Variants in MADD observed in about 807,000 individuals in gnomAD.
MADD encodes MAP kinase activating death domain.
MADD carries 109 observed loss-of-function variants against 176.7 expected under a neutral mutation model. The ratio of observed to expected loss-of-function variants is 0.62; its 90% CI spans 0.53 to 0.72. The LOEUF (loss-of-function observed/expected upper bound fraction) is 0.72. Ranked by LOEUF, MADD falls within the 30% of genes least tolerant of loss-of-function variation. The pLI is 0.00. For synonymous variants in MADD, 771 were observed against 771.3 expected (o/e 1.00, Z 0.01); for missense variants, 1,914 against 2,045.5 (o/e 0.94, Z 1.24).
intron 31 of MADD, chr11:47,328,123 G>C (rs1478275110): frequency 9.9e-7 from 1 of 1,008,310 alleles, no homozygotes; most frequent in Admixed American, 5.1e-5. Flanking sequence ...CATCCTGTGG[G>C]TTTATATCAT....
At chr11:47,298,856 A>G (rs1254173674) in intron 22 of MADD, among the ~76,000 whole-genome samples, 1 of 152,142 alleles carries the variant, frequency 6.6e-6, no homozygotes, top group Non-Finnish European at 1.5e-5. Flanking sequence ...ATTTTTGTAT[A>G]TGGTGAGAGC....
Position 47,279,092 on chromosome 11 carries a change from C to T in MADD, c.1290+13C>T, listed in dbSNP as rs377631775. ...GCATTTAAAGCAGGTAGGTGAAGAA[C>T]GAAGGAAAGAAAGGGGAGTATTAGA... On this transcript the variant is annotated intron_variant, in intron 7 of 32. Coordinates refer to ENST00000402192, the Ensembl canonical transcript of MADD. 51 of 1,612,482 alleles carry T rather than the reference C, an allele frequency of 3.2e-5. No homozygotes were observed. In the African/African-American group the frequency reaches 4.9e-4, roughly 16 times the overall value.
chr11:47,270,481 G>A (rs1273014780), intron 1 of MADD, among the ~76,000 whole-genome samples: 6 of 147,130 alleles, frequency 4.1e-5, no homozygotes, highest in Non-Finnish European at 9.0e-5. Flanking sequence ...CCGAGCGGGC[G>A]GCTCGGGTTC....
rs1289627025 is a variant in MADD at position 47,276,976 on chromosome 11, A to G, written c.1095+113A>G. On this transcript the variant is annotated intron_variant, in intron 5 of 32. Transcript: ENST00000402192. ...GGTCCTCAATCCTTTGTCATAACTT[A>G]TTTGTCTACAAAATCTGACTGATTT... 3.9e-6 allele frequency: 5 copies of G among 1,284,326 alleles called. No individual in the cohort carries two copies. The African/African-American group carries it at 5.9e-5, about 15-fold the overall frequency. 79.6% of individuals were successfully genotyped at this position (1,284,326 alleles called of 1,614,324 possible). A position where few individuals can be genotyped will look rare whatever the true frequency, so the allele number is the denominator to read the frequency against.
chr11:47,315,347 G>A lies in MADD; in HGVS notation c.4197+20G>A, dbSNP rs747519808. On this transcript the variant is annotated intron_variant, in intron 27 of 32. Coordinates refer to ENST00000402192, the Ensembl canonical transcript of MADD. ...ATGGAGGTAGGTGCTGGTTCATGCT[G>A]GGGGCCCAAAGGGCTATTGAGAGTC... The A allele has an allele frequency of 1.8e-5, 28 of 1,521,126 alleles. No individual in the cohort carries two copies. The highest frequency in any genetic ancestry group is 2.5e-5 in the Non-Finnish European group (27 of 1,096,302). 94.2% of individuals were successfully genotyped at this position (1,521,126 alleles called of 1,614,324 possible).
chr11:47,283,242 C>T (rs959011220), intron 10 of MADD, among the ~76,000 whole-genome samples: 54 of 147,512 alleles, frequency 3.7e-4, no homozygotes, highest in Non-Finnish European at 1.5e-4. Flanking sequence ...TACAGGCGCC[C>T]GCCACCACGC....
chr11:47,295,150 G>T (rs192182231), intron 20 of MADD, among the ~76,000 whole-genome samples: 1 of 151,494 alleles, frequency 6.6e-6, no homozygotes, highest in African/African-American at 2.4e-5. Context: ...ATCTGGGACC[G>T]CAGGCACCCA....
At chr11:47,309,917 C>T (rs947708590) in intron 25 of MADD, among the ~76,000 whole-genome samples, 3 of 151,018 alleles carry the variant, frequency 2.0e-5, no homozygotes, top group South Asian at 4.2e-4. Context: ...TCTCAGCTCA[C>T]TGCAACCTCT....
In MADD at chr11:47,275,925, G is replaced by A. The variant is rs1249016584; in HGVS notation, c.686G>A (p.Gly229Glu). ...GACACCATGTGGCGGATCTTTACTGGATCGCTGCTGGTAGAGGAGAAGTCA... is the reference window on the plus strand; with the variant it reads ...GACACCATGTGGCGGATCTTTACTGAATCGCTGCTGGTAGAGGAGAAGTCA... The change falls in exon 4 of 33, where the codon GGA becomes GAA. Residue 229 changes from glycine (G) to glutamate (E), a missense_variant. Transcript: ENST00000402192. 3 of 1,611,892 alleles carry A rather than the reference G, an allele frequency of 1.9e-6. No homozygotes were observed. In the African/African-American group the frequency reaches 4.0e-5, roughly 22 times the overall value.
chr11:47,327,168 G>T, intron 31 of MADD: 1 of 1,035,572 alleles, frequency 9.7e-7, no homozygotes, highest in South Asian at 3.7e-5. Flanking sequence ...GTCACCTGCT[G>T]CAATCTCTCT....
At chr11:47,298,080 G>A (rs748531238) in intron 22 of MADD, among the ~76,000 whole-genome samples, 6 of 152,046 alleles carry the variant, frequency 3.9e-5, no homozygotes, top group Non-Finnish European at 5.9e-5. Context: ...GAGCCACCGC[G>A]CCCGGCCTTC....
chr11:47,327,457 CG>C, intron 31 of MADD: 1 of 985,408 alleles, frequency 1.0e-6, no homozygotes, highest in Non-Finnish European at 1.2e-6. Flanking sequence ...AAAGTGACCT[CG>C]GCTCGTGCTG....
At chr11:47,284,138 C>A (rs761570393) in intron 10 of MADD, 40 bp from the exon 11 acceptor site, 3 of 1,394,352 alleles carry the variant, frequency 2.2e-6, no homozygotes, top group South Asian at 1.2e-5. Context: ...CTCCCTGCCC[C>A]TTTCTGTTTT....
chr11:47,271,430 T>C (rs983174927), intron 1 of MADD, among the ~76,000 whole-genome samples: 1 of 152,236 alleles, frequency 6.6e-6, no homozygotes. Context: ...CACCCGTAGC[T>C]AGAATAATAA....
At chr11:47,288,516 CTT>C (rs1283408647) in intron 15 of MADD, among the ~76,000 whole-genome samples, 1 of 152,208 alleles carries the variant, frequency 6.6e-6, no homozygotes, top group Non-Finnish European at 1.5e-5. Context: ...GATTGAAACT[CTT>C]TCATTGCATG....
intron 22 of MADD, among the ~76,000 whole-genome samples, chr11:47,304,697 C>T (rs2081183952): frequency 1.3e-5 from 2 of 152,162 alleles, no homozygotes; most frequent in Non-Finnish European, 2.9e-5. Context: ...ATTGCATTTC[C>T]TTAAGATCAT....
chr11:47,315,304 A>G (rs2092412291), exon 27 of MADD: 2 of 1,613,272 alleles, frequency 1.2e-6, no homozygotes, highest in Admixed American at 1.7e-5. Context: ...GACAGATACA[A>G]ACGGAGATAT....
intron 19 of MADD, 30 bp downstream of exon 21, chr11:47,292,626 A>G: frequency 6.2e-7 from 1 of 1,612,376 alleles, no homozygotes; most frequent in Non-Finnish European, 8.5e-7. Flanking sequence ...TCCTGTTCCC[A>G]AGTCCTCCAT....
intron 16 of MADD, 79 bp downstream of exon 17, chr11:47,289,572 A>G: frequency 5.2e-6 from 6 of 1,162,010 alleles, no homozygotes; most frequent in Non-Finnish European, 7.8e-6. Context: ...GGGATGCTCA[A>G]GAGTGGGAGA....
Sources: allele counts gnomAD v4.1 joint callset (sites outside exome capture counted in the v4.1 genomes callset), GRCh38; gene constraint gnomAD v4.1.1; transcripts MANE v1.5; gene names NCBI Gene and HGNC (gene_info 2026-07-23, HGNC 2026-07-21).